Variants in PLCG1 observed in about 807,000 individuals in gnomAD.
PLCG1 encodes 1-phosphatidylinositol 4,5-bisphosphate phosphodiesterase gamma-1.
PLCG1 carries 71 observed loss-of-function variants against 177.8 expected under a neutral mutation model. The observed-to-expected ratio is 0.40, with a 90% CI of 0.33 to 0.49. The LOEUF (loss-of-function observed/expected upper bound fraction) is 0.49, where lower values mean the gene tolerates loss of function less well. PLCG1 is among the 20% of genes least tolerant of loss of function. The pLI, the probability that PLCG1 is intolerant of heterozygous loss-of-function variation, is 0.72. For synonymous variants in PLCG1, 658 were observed against 647.9 expected, an observed-to-expected ratio of 1.02 and a Z score of -0.24; for missense variants, 1,281 against 1,709.0, an observed-to-expected ratio of 0.75 and a Z score of 4.42.
rs1285604485 is a variant in PLCG1 at position 41,166,445 on chromosome 20, G to C, written c.2001-31G>C. ...AAGGCAGGGCAGGGCCATGGGTGGT[G>C]CTGGCCGGGCCTGACTCTGCCTGTT... is the stretch of plus-strand genomic sequence containing the variant. On this transcript the variant is annotated intron_variant, in intron 17 of 31. Transcript: ENST00000685551. The surrounding 1 kb of genome is among the most constrained non-coding windows in gnomAD (Gnocchi z 8.6). 6.2e-7 allele frequency: 1 copy of C among 1,613,854 alleles called. No homozygotes were observed. The highest frequency in any genetic ancestry group is 8.5e-7 in the Non-Finnish European group (1 of 1,180,026).
intron 1 of PLCG1, among the ~76,000 whole-genome samples, chr20:41,141,775 GT>G (rs1444889196): frequency 6.6e-6 from 1 of 152,200 alleles, no homozygotes; most frequent in African/African-American, 2.4e-5. Flanking sequence ...GGGATCCTCT[GT>G]TTCCTGTGAA....
At chr20:41,138,478 ATTT>A (rs1175225004) in intron 1 of PLCG1, among the ~76,000 whole-genome samples, 1 of 138,012 alleles carries the variant, frequency 7.2e-6, no homozygotes, top group African/African-American at 2.7e-5. Flanking sequence ...AGTGGCTGGA[ATTT>A]TTTTTTTTTT....
intron 1 of PLCG1, among the ~76,000 whole-genome samples, chr20:41,145,162 C>A (rs949212621): frequency 1.3e-5 from 2 of 152,162 alleles, no homozygotes; most frequent in Non-Finnish European, 2.9e-5. Flanking sequence ...TGGCTGGCAA[C>A]AAGGAAGGTT....
rs2035409684 is a variant in PLCG1, at chr20:41,159,035, G to C, written c.218-571G>C. On this transcript the variant is annotated intron_variant, in intron 1 of 31. Coordinates refer to ENST00000685551, the MANE Select transcript of PLCG1 (RefSeq NM_002660.3). The surrounding 1 kb of genome is among the most constrained non-coding windows in gnomAD (Gnocchi z 6.0). The stretch of plus-strand genomic sequence containing the variant: ...CAAAATGGTGGTCTGGGTCCAGGAT[G>C]GTTGCTGCTCTTGGACAGCCAGTGC... Among the ~76,000 whole-genome samples, 1 of 152,212 alleles carries C rather than the reference G, an allele frequency of 6.6e-6. No individual in the cohort carries two copies. The highest frequency in any genetic ancestry group is 6.5e-5 in the Admixed American group (1 of 15,286).
At chr20:41,143,867 CACA>C (rs781077709) in intron 1 of PLCG1, among the ~76,000 whole-genome samples, 4 of 152,220 alleles carry the variant, frequency 2.6e-5, no homozygotes, top group South Asian at 2.1e-4. Context: ...AACTACCCAG[CACA>C]ACATTTGTCA....
At position 41,170,215 on chromosome 20, in the gene PLCG1, G is replaced by C. The variant is rs1303575943; in HGVS notation, c.2754G>C (p.Glu918Asp). ...SLDVAADSQE[E>D]LQDWVKKIRE... ...ATGTTGCTGCCGACTCACAGGAGGA[G>C]CTGCAGGACTGGGTGAAAAAGATCC... The change falls in exon 24 of 32, where the codon GAG becomes GAC. Residue 918 changes from glutamate (E) to aspartate (D), a missense_variant. Glu to Asp is a conservative substitution (Grantham distance 45). This residue lies in a region of PLCG1 where 723 missense variants were observed against 1,030.0 expected (regional missense o/e 0.70). Transcript: ENST00000685551. 6.2e-7 allele frequency: 1 copy of C among 1,614,154 alleles called. No individual in the cohort carries two copies. The highest frequency in any genetic ancestry group is 1.7e-5 in the Admixed American group (1 of 60,026).
In PLCG1 at chr20:41,165,440, T is replaced by A; in HGVS notation, c.1510-10T>A. On this transcript the variant is annotated splice_polypyrimidine_tract_variant and intron_variant, in intron 14 of 31. Transcript: ENST00000685551. This position sits in a 1 kb window ranked among gnomAD's most constrained non-coding sequence, Gnocchi z 6.6. ...CCCTGGCTCACAAGTCCCTCTTTGG[T>A]CTGTTCCAGGAATGGTATCCCCACT... 6.2e-7 allele frequency: 1 copy of A among 1,613,990 alleles called. No homozygotes were observed. The highest frequency in any genetic ancestry group is 8.5e-7 in the Non-Finnish European group (1 of 1,179,944).
rs1229706412 is a variant in PLCG1 at position 41,165,413 on chromosome 20, G to C, written c.1510-37G>C. On this transcript the variant is annotated intron_variant, in intron 14 of 31. Transcript: ENST00000685551. This position sits in a 1 kb window ranked among gnomAD's most constrained non-coding sequence, Gnocchi z 6.6. ...GGGGTGGTAGGCCAGTGGGTGTGAG[G>C]ACCCTGGCTCACAAGTCCCTCTTTG... 2.5e-6 allele frequency: 4 copies of C among 1,613,540 alleles called. No individual in the cohort carries two copies. Among genetic ancestry groups the C allele is most frequent in the African/African-American group, 2.7e-5 (2 of 74,908 alleles).
chr20:41,158,706 T>C (rs1162524245), intron 1 of PLCG1, among the ~76,000 whole-genome samples: 1 of 152,222 alleles, frequency 6.6e-6, no homozygotes, highest in Non-Finnish European at 1.5e-5. Context: ...TGTCACTTTA[T>C]TGAGATCACA....
intron 20 of PLCG1, among the ~76,000 whole-genome samples, chr20:41,168,552 C>T (rs34474688): frequency 3.4e-4 from 52 of 152,366 alleles, no homozygotes; most frequent in South Asian, 1.2e-3. Context: ...ATTTCACTGG[C>T]AGAGGCCCTG....
In PLCG1 at chr20:41,157,480, T is replaced by G. The variant is rs1006182506; in HGVS notation, c.218-2126T>G. Among the ~76,000 whole-genome samples the G allele has an allele frequency of 4.6e-5, 7 of 152,200 alleles. No homozygotes were observed. The highest frequency in any genetic ancestry group is 1.0e-4 in the Non-Finnish European group (7 of 68,034). On this transcript the variant is annotated intron_variant, in intron 1 of 31. Transcript: ENST00000685551. The surrounding 1 kb of genome is among the most constrained non-coding windows in gnomAD (Gnocchi z 5.4). ...GTTTCTACCCGAGTATAACTGTTCA[T>G]TTTTGTTCCCCATCCCTATTTGGTT...
In PLCG1 at chr20:41,166,434, C is replaced by T. The variant is rs751340204; in HGVS notation, c.2000+40C>T. The T allele has an allele frequency of 6.8e-6, 11 of 1,613,870 alleles. No individual in the cohort carries two copies. The South Asian group carries it at 1.2e-4, about 18-fold the overall frequency. On this transcript the variant is annotated intron_variant, in intron 17 of 31. Transcript: ENST00000685551. This position sits in a 1 kb window ranked among gnomAD's most constrained non-coding sequence, Gnocchi z 8.6. ...TGGGGGCGGACAAGGCAGGGCAGGGCCATGGGTGGTGCTGGCCGGGCCTGA... is the reference window on the plus strand; with the variant it reads ...TGGGGGCGGACAAGGCAGGGCAGGGTCATGGGTGGTGCTGGCCGGGCCTGA...
rs1307501235 is a variant in PLCG1 at position 41,172,695 on chromosome 20, T to C, written c.3131-34T>C. 1 of 1,612,736 alleles carries C rather than the reference T, an allele frequency of 6.2e-7. No individual in the cohort carries two copies. The highest frequency in any genetic ancestry group is 8.5e-7 in the Non-Finnish European group (1 of 1,179,070). Reference sequence around the variant, plus strand: ...GTGAGGAGGGGCACTGTGGGGCAGCTGGACTGGAATACACCATAATCTGCC... The same window carrying C: ...GTGAGGAGGGGCACTGTGGGGCAGCCGGACTGGAATACACCATAATCTGCC... On this transcript the variant is annotated intron_variant, in intron 26 of 31. Transcript: ENST00000685551. The surrounding 1 kb of genome is among the most constrained non-coding windows in gnomAD (Gnocchi z 7.0).
rs989105674 is a variant in PLCG1, at chr20:41,176,777, C to G, written c.*2268C>G. On this transcript the variant is annotated 3_prime_UTR_variant, in exon 32 of 32. Coordinates refer to ENST00000685551, the MANE Select transcript of PLCG1 (RefSeq NM_002660.3). ...ATTTTCACTTCAAGATTCCTCCAGA[C>G]CTGACAAATGTTGATTGACCCAGAA... The G allele has an allele frequency of 6.6e-6, 1 of 152,150 alleles. No homozygotes were observed. The highest frequency in any genetic ancestry group is 2.4e-5 in the African/African-American group (1 of 41,456). 9.4% of individuals were successfully genotyped at this position (152,150 alleles called of 1,614,324 possible). A position where few individuals can be genotyped will look rare whatever the true frequency, so the allele number is the denominator to read the frequency against.
rs769633058 is a variant in PLCG1, at chr20:41,174,331, G to C, written c.3833+20G>C. The stretch of plus-strand genomic sequence containing the variant: ...ACGAAGGTGAGGAAGATGGAGGGGT[G>C]CTAGAGCCAGGAAGGCAGTGGCTAG... On this transcript the variant is annotated intron_variant, in intron 31 of 31. Coordinates refer to ENST00000685551, the MANE Select transcript of PLCG1 (RefSeq NM_002660.3). This position sits in a 1 kb window ranked among gnomAD's most constrained non-coding sequence, Gnocchi z 5.8. The C allele has an allele frequency of 6.2e-7, 1 of 1,610,028 alleles. No individual in the cohort carries two copies. Among genetic ancestry groups the C allele is most frequent in the South Asian group, 1.1e-5 (1 of 91,038 alleles).
At chr20:41,155,074 A>G (rs1325214155) in intron 1 of PLCG1, among the ~76,000 whole-genome samples, 2 of 152,162 alleles carry the variant, frequency 1.3e-5, no homozygotes, top group Non-Finnish European at 1.5e-5. Context: ...CTGAGAAGGG[A>G]GGGGAGAAGA....
Position 41,166,947 on chromosome 20 carries a change from A to G in PLCG1, c.2301+88A>G. Reference sequence around the variant, plus strand: ...GTCTCTGGATGTGTGTAACAGCAAGACCTGGTGTGTTGTAGAAGTTCGTGG... The same window carrying G: ...GTCTCTGGATGTGTGTAACAGCAAGGCCTGGTGTGTTGTAGAAGTTCGTGG... On this transcript the variant is annotated intron_variant, in intron 19 of 31. Coordinates refer to ENST00000685551, the MANE Select transcript of PLCG1 (RefSeq NM_002660.3). This position sits in a 1 kb window ranked among gnomAD's most constrained non-coding sequence, Gnocchi z 8.6. 1 of 1,293,182 alleles carries G rather than the reference A, an allele frequency of 7.7e-7. No homozygotes were observed. The highest frequency in any genetic ancestry group is 1.7e-5 in the Admixed American group (1 of 57,342). 80.1% of individuals were successfully genotyped at this position (1,293,182 alleles called of 1,614,324 possible).
At position 41,174,665 on chromosome 20, in the gene PLCG1, TTAA is replaced by T; in HGVS notation, c.*158_*160del. ...TGAATGCTAGACAGAAACCAAGCCA[TTAA>T]TGAGATGTTATTACTGTTTTGGGCC... On this transcript the variant is annotated 3_prime_UTR_variant, in exon 32 of 32. Coordinates refer to ENST00000685551, the MANE Select transcript of PLCG1 (RefSeq NM_002660.3). The surrounding 1 kb of genome is among the most constrained non-coding windows in gnomAD (Gnocchi z 5.8). The T allele has an allele frequency of 1.5e-6, 1 of 673,220 alleles. No individual in the cohort carries two copies. The highest frequency in any genetic ancestry group is 2.7e-5 in the East Asian group (1 of 36,726). 41.7% of individuals were successfully genotyped at this position (673,220 alleles called of 1,614,324 possible). A position where few individuals can be genotyped will look rare whatever the true frequency, so the allele number is the denominator to read the frequency against.
intron 1 of PLCG1, among the ~76,000 whole-genome samples, chr20:41,154,497 C>T (rs569998617): frequency 9.8e-5 from 15 of 152,292 alleles, no homozygotes; most frequent in Middle Eastern, 3.4e-3. Context: ...TGAACTCTGC[C>T]GGGGCAACAG....
Sources: gnomAD v4.1 joint callset for allele counts (sites outside exome capture counted in the v4.1 genomes callset) on GRCh38, gnomAD v4.1.1 for gene constraint, gnomAD v4.1.1 regional missense constraint, Gnocchi (gnomAD v3.1) non-coding constraint, MANE v1.5 for transcripts, NCBI Gene and HGNC (gene_info 2026-07-23, HGNC 2026-07-21) for gene names.